The following IL7 variants were observed in gnomAD, a reference collection of about 807,000 sequenced individuals.
The protein encoded by IL7 is interleukin-7.
Under a neutral mutation model 21.6 loss-of-function variants are expected in IL7, and 3 were observed. The ratio of observed to expected loss-of-function variants is 0.14; its 90% confidence interval spans 0.06 to 0.36. The LOEUF (loss-of-function observed/expected upper bound fraction) is 0.36, where lower values mean the gene tolerates loss of function less well. IL7 is among the 10% of genes least tolerant of loss of function. The pLI, the probability that IL7 is intolerant of heterozygous loss-of-function variation, is 1.00. For missense variants in IL7, 175 were observed against 200.2 expected (o/e 0.87, Z 0.76); for synonymous variants, 62 against 68.1 (o/e 0.91, Z 0.44).
intron 2 of IL7, among the ~76,000 whole-genome samples, chr8:78,780,851 A>T (rs1813304561): frequency 6.6e-6 from 1 of 152,154 alleles, no homozygotes; most frequent in Non-Finnish European, 1.5e-5. Flanking sequence ...TCTCACTATT[A>T]TTCTGTGGGA....
intron 4 of IL7, among the ~76,000 whole-genome samples, chr8:78,736,834 A>C (rs892598277): frequency 6.6e-6 from 1 of 152,142 alleles, no homozygotes; most frequent in African/African-American, 2.4e-5. Context: ...AGCAGAGATA[A>C]AACTTGAATT....
intron 5 of IL7, chr8:78,719,204 C>G (rs921518617): frequency 7.4e-5 from 11 of 148,262 alleles, no homozygotes; most frequent in Admixed American, 4.8e-4. Context: ...CTTGTTTTAT[C>G]TAATACTGAG....
At chr8:78,678,918 A>G (rs1009540172) in intron 4 of IL7, 17 of 252,680 alleles carry the variant, frequency 6.7e-5, no homozygotes, top group South Asian at 3.3e-4. Context: ...TGCTGTTTCA[A>G]ACTCCATCAA....
chr8:78,780,465 C>G (rs1167119670), intron 2 of IL7, among the ~76,000 whole-genome samples: 1 of 152,036 alleles, frequency 6.6e-6, no homozygotes, highest in Non-Finnish European at 1.5e-5. Context: ...AACTTCCTGA[C>G]TTGTGCCTTA....
chr8:78,735,014 A>G (rs566902599), intron 5 of IL7, among the ~76,000 whole-genome samples: 8 of 152,280 alleles, frequency 5.3e-5, no homozygotes, highest in African/African-American at 1.9e-4. Context: ...CATACTTTTT[A>G]AAGAATACAT....
chr8:78,759,949 T>C (rs1293476138), intron 2 of IL7, among the ~76,000 whole-genome samples: 4 of 152,170 alleles, frequency 2.6e-5, no homozygotes, highest in Non-Finnish European at 5.9e-5. Context: ...CAACGTTCTC[T>C]TCTGGAAGAA....
chr8:78,741,894 T>C (rs1811794983), intron 2 of IL7, among the ~76,000 whole-genome samples: 1 of 152,226 alleles, frequency 6.6e-6, no homozygotes, highest in Admixed American at 6.5e-5. Flanking sequence ...GTAAGAATTA[T>C]AGATACATGG....
chr8:78,804,545 G>T (rs1437488050), intron 1 of IL7, among the ~76,000 whole-genome samples: 1 of 152,204 alleles, frequency 6.6e-6, no homozygotes, highest in Non-Finnish European at 1.5e-5. Context: ...GAGTAACTTG[G>T]GGCGGCCAGG....
intron 1 of IL7, among the ~76,000 whole-genome samples, chr8:78,803,741 G>T (rs1004337911): frequency 6.6e-6 from 1 of 152,150 alleles, no homozygotes; most frequent in South Asian, 2.1e-4. Flanking sequence ...AGGAAAATAG[G>T]GTTGTGCTCA....
chr8:78,738,558 G>A lies in IL7; in HGVS notation c.306C>T (p.Leu102=), dbSNP rs781147239. 3 of 1,613,524 alleles carry A rather than the reference G, an allele frequency of 1.9e-6. No individual in the cohort carries two copies. The highest frequency in any genetic ancestry group is 1.1e-5 in the South Asian group (1 of 91,070). The part of the protein sequence containing the change: ...LKMNSTGDFD[L]HLLKVSEGTT... ...TGCCTTCTGAAACTTTTAATAAGTG[G>A]AGATCAAAATCACCAGTGCTATTCA... The change falls in exon 4 of 6, where the codon CTC becomes CTT. Residue 102 remains leucine, a synonymous_variant. Transcript: ENST00000263851.
At chr8:78,742,543 CTT>C (rs1260923656) in intron 2 of IL7, among the ~76,000 whole-genome samples, 8 of 151,794 alleles carry the variant, frequency 5.3e-5, no homozygotes, top group African/African-American at 1.9e-4. Flanking sequence ...TCTTTTAACT[CTT>C]ATAGTAGAGG....
Position 78,686,505 on chromosome 8 carries a change from A to G in IL7, n.215-558T>C, listed in dbSNP as rs577125290. The G allele has an allele frequency of 8.4e-6, 13 of 1,544,442 alleles. No individual in the cohort carries two copies. In the African/African-American group the frequency reaches 1.4e-4, roughly 17 times the overall value. On this transcript the variant is annotated intron_variant and non_coding_transcript_variant, in intron 3 of 4. Transcript: ENST00000523959. The stretch of plus-strand genomic sequence containing the variant: ...AGAAACCATCTAATTGGAGAAGGAA[A>G]CATGAAGAATTCATTGCTACCATAA...
chr8:78,777,616 T>G (rs1410052946), intron 2 of IL7, among the ~76,000 whole-genome samples: 2 of 152,094 alleles, frequency 1.3e-5, no homozygotes, highest in Admixed American at 6.6e-5. Context: ...CATTGTATTT[T>G]CATGTAATAA....
At position 78,744,485 on chromosome 8, in the gene IL7, C is replaced by T. The variant is rs182140399; in HGVS notation, c.148-4403G>A. On this transcript the variant is annotated intron_variant, in intron 2 of 5. Transcript: ENST00000263851. ...CAAACAGTGAAGATGGTGGCCTTCCCCTCTCCCTGGGAACTCTGTCCCAGG... is the reference window on the plus strand; with the variant it reads ...CAAACAGTGAAGATGGTGGCCTTCCTCTCTCCCTGGGAACTCTGTCCCAGG... Among the ~76,000 whole-genome samples the T allele has an allele frequency of 4.1e-3, 620 of 152,250 alleles. 6 individuals are homozygous for T. Among genetic ancestry groups the T allele is most frequent in the African/African-American group, 0.014 (570 of 41,556 alleles).
chr8:78,746,392 C>T (rs1352330185), intron 2 of IL7, among the ~76,000 whole-genome samples: 1 of 152,244 alleles, frequency 6.6e-6, no homozygotes, highest in Non-Finnish European at 1.5e-5. Flanking sequence ...CTCAATTTCT[C>T]ACCACATGAG....
downstream of IL7, among the ~76,000 whole-genome samples, chr8:78,714,368 T>G (rs946635982): frequency 9.2e-5 from 14 of 152,148 alleles, no homozygotes; most frequent in Non-Finnish European, 2.1e-4. Context: ...AGCACTATTA[T>G]ATAAATGTTA....
intron 2 of IL7, among the ~76,000 whole-genome samples, chr8:78,749,460 G>T (rs2130727525): frequency 6.6e-6 from 1 of 152,178 alleles, no homozygotes; most frequent in African/African-American, 2.4e-5. Flanking sequence ...GCAAACCACT[G>T]CCCTAAAGTT....
At chr8:78,772,816 G>A (rs1326049270) in intron 2 of IL7, among the ~76,000 whole-genome samples, 1 of 152,106 alleles carries the variant, frequency 6.6e-6, no homozygotes, top group Non-Finnish European at 1.5e-5. Flanking sequence ...TTGTAAATCA[G>A]TGAGTGTCGA....
downstream of IL7, among the ~76,000 whole-genome samples, chr8:78,730,391 G>T (rs1317385936): frequency 6.6e-6 from 1 of 151,878 alleles, no homozygotes. Context: ...TTGTTTCATT[G>T]TCTTGTCCTA....
Sources: gnomAD v4.1 joint callset for allele counts (sites outside exome capture counted in the v4.1 genomes callset) on GRCh38, gnomAD v4.1.1 for gene constraint, MANE v1.5 for transcripts, NCBI Gene and HGNC (gene_info 2026-07-23, HGNC 2026-07-21) for gene names.